The following CACNA1C variants were observed in gnomAD, a reference collection of about 807,000 sequenced individuals.
CACNA1C encodes the protein voltage-dependent L-type calcium channel subunit alpha-1C.
A neutral mutation model predicts 229.0 loss-of-function variants in CACNA1C; 30 were observed. The observed-to-expected ratio is 0.13, with a 90% CI of 0.10 to 0.18. The LOEUF is 0.18. Ranked by LOEUF, CACNA1C falls within the 10% of genes least tolerant of loss-of-function variation. The pLI is 1.00. For missense variants in CACNA1C, 1,658 were observed against 2,845.0 expected (o/e 0.58, Z 9.49); for synonymous variants, 1,114 against 1,132.5 (o/e 0.98, Z 0.33).
At chr12:2,511,498 C>A (rs2099783763) in intron 8 of CACNA1C, among the ~76,000 whole-genome samples, 1 of 152,162 alleles carries the variant, frequency 6.6e-6, no homozygotes, top group Admixed American at 6.5e-5. Flanking sequence ...GCCTCGTGCC[C>A]TGAACTGGGC....
chr12:2,683,784 C>A (rs2097298371), intron 43 of CACNA1C, among the ~76,000 whole-genome samples: 1 of 152,202 alleles, frequency 6.6e-6, no homozygotes, highest in African/African-American at 2.4e-5. Flanking sequence ...GGGGCTGTGC[C>A]ACCTGCTGGG....
At chr12:2,578,746 G>A (rs2059465847) in intron 13 of CACNA1C, among the ~76,000 whole-genome samples, 1 of 152,168 alleles carries the variant, frequency 6.6e-6, no homozygotes, top group Non-Finnish European at 1.5e-5. Flanking sequence ...AGCTCCATCA[G>A]AGCACGAACC....
intron 9 of CACNA1C, among the ~76,000 whole-genome samples, chr12:2,522,685 G>A (rs1293803809): frequency 6.6e-6 from 1 of 152,136 alleles, no homozygotes; most frequent in Non-Finnish European, 1.5e-5. Flanking sequence ...TCTGAGTTTG[G>A]ATCATGGATA....
At chr12:2,265,228 C>T (rs2081913892) in intron 3 of CACNA1C, among the ~76,000 whole-genome samples, 3 of 152,142 alleles carry the variant, frequency 2.0e-5, no homozygotes, top group Admixed American at 6.5e-5. Context: ...AGTTAGTTAC[C>T]GCAAATGTCT....
chr12:2,280,474 TTTAACCTC>T, intron 3 of CACNA1C, among the ~76,000 whole-genome samples: 1 of 79,642 alleles, frequency 1.3e-5, no homozygotes, highest in African/African-American at 5.0e-5. Flanking sequence ...TGTGCTTCGG[TTTAACCTC>T]TTGATACCTT....
rs747550369 is a variant in CACNA1C, at chr12:2,566,832, G to C, written c.1669+250G>C. On this transcript the variant is annotated intron_variant, in intron 12 of 46. Transcript: ENST00000399655. The surrounding 1 kb of genome is among the most constrained non-coding windows in gnomAD (Gnocchi z 4.0). ...ACCATCAGCCTGCCCCAAAGTCACTGTTGGACCCAGGTGATGAGGAAAGGG... is the reference window on the plus strand; with the variant it reads ...ACCATCAGCCTGCCCCAAAGTCACTCTTGGACCCAGGTGATGAGGAAAGGG... Among the ~76,000 whole-genome samples the C allele has an allele frequency of 6.6e-6, 1 of 152,176 alleles. No homozygotes were observed. Among genetic ancestry groups the C allele is most frequent in the Non-Finnish European group, 1.5e-5 (1 of 68,028 alleles).
chr12:2,494,512 T>C (rs766619248), intron 7 of CACNA1C, among the ~76,000 whole-genome samples: 16 of 152,214 alleles, frequency 1.1e-4, no homozygotes, highest in Non-Finnish European at 1.3e-4. Context: ...TAGGCAAATT[T>C]ATTTGGCCAT....
At chr12:2,199,779 A>G (rs911730959) in intron 3 of CACNA1C, among the ~76,000 whole-genome samples, 16 of 152,090 alleles carry the variant, frequency 1.1e-4, no homozygotes, top group African/African-American at 3.6e-4. Flanking sequence ...GTGGATGCCT[A>G]TGTAAAGTGG....
chr12:2,234,616 G>T (rs1357291273), intron 3 of CACNA1C, among the ~76,000 whole-genome samples: 2 of 152,146 alleles, frequency 1.3e-5, no homozygotes, highest in Non-Finnish European at 2.9e-5. Context: ...AGTCTTTAGT[G>T]CCTCCCTCCA....
chr12:2,619,215 T>A (rs961888417), intron 29 of CACNA1C, among the ~76,000 whole-genome samples: 6 of 152,150 alleles, frequency 3.9e-5, no homozygotes, highest in Non-Finnish European at 7.4e-5. Context: ...CATGTCTGTT[T>A]CTCTGTAAAG....
intron 1 of CACNA1C, chr12:2,020,372 T>C (rs1352009439): frequency 6.6e-6 from 1 of 152,226 alleles, no homozygotes; most frequent in Non-Finnish European, 1.5e-5. Flanking sequence ...AGAGCTGGTT[T>C]GGATGCCTAG....
chr12:2,631,180 G>A (rs1462812347), intron 29 of CACNA1C, among the ~76,000 whole-genome samples: 3 of 152,100 alleles, frequency 2.0e-5, no homozygotes, highest in African/African-American at 7.2e-5. Flanking sequence ...GCAGACCAAG[G>A]CCAACTTACC....
At chr12:2,137,905 T>C (rs909779591) in intron 3 of CACNA1C, among the ~76,000 whole-genome samples, 7 of 151,376 alleles carry the variant, frequency 4.6e-5, no homozygotes, top group African/African-American at 1.7e-4. Context: ...GGACCCTGTC[T>C]TTGTGTGCAG....
chr12:2,645,123 A>G (rs1408503672), intron 30 of CACNA1C, among the ~76,000 whole-genome samples: 1 of 152,260 alleles, frequency 6.6e-6, no homozygotes, highest in East Asian at 1.9e-4. Flanking sequence ...TTGGCTGCTC[A>G]GAAATTTCTC....
At chr12:2,085,279 G>A (rs2067155482) in intron 1 of CACNA1C, among the ~76,000 whole-genome samples, 1 of 152,094 alleles carries the variant, frequency 6.6e-6, no homozygotes, top group African/African-American at 2.4e-5. Flanking sequence ...ATTTTTTAAG[G>A]CAATGTCAAC....
intron 3 of CACNA1C, among the ~76,000 whole-genome samples, chr12:2,202,004 C>T (rs1410310726): frequency 6.6e-6 from 1 of 152,212 alleles, no homozygotes; most frequent in Non-Finnish European, 1.5e-5. Context: ...GGCAAGGACT[C>T]AGAAGATACT....
chr12:2,004,133 C>A, intron 1 of CACNA1C: 2 of 1,147,292 alleles, frequency 1.7e-6, no homozygotes, highest in Non-Finnish European at 2.4e-6. Flanking sequence ...GAGACCCCAT[C>A]TCCACAACTT....
chr12:2,359,750 T>C (rs942096343), intron 3 of CACNA1C, among the ~76,000 whole-genome samples: 2 of 152,008 alleles, frequency 1.3e-5, no homozygotes, highest in Non-Finnish European at 2.9e-5. Flanking sequence ...GACCTAGTAA[T>C]AGGCTTCCAG....
At chr12:2,681,883 G>C in intron 42 of CACNA1C, 1 of 897,078 alleles carries the variant, frequency 1.1e-6, no homozygotes, top group Non-Finnish European at 1.9e-6. Flanking sequence ...GCACTGAGCT[G>C]AGCTCAGACA....
Sources: gnomAD v4.1 joint callset for allele counts (sites outside exome capture counted in the v4.1 genomes callset) on GRCh38, gnomAD v4.1.1 for gene constraint, Gnocchi (gnomAD v3.1) non-coding constraint, MANE v1.5 for transcripts, NCBI Gene and HGNC (gene_info 2026-07-23, HGNC 2026-07-21) for gene names.